DHX57: variants seen among roughly 807,000 people sequenced by gnomAD.
DHX57 encodes DExH-box helicase 57.
DHX57 carries 105 observed loss-of-function variants against 156.2 expected under a neutral mutation model. The observed-to-expected ratio is 0.67, with a 90% CI of 0.57 to 0.79. DHX57 has a LOEUF of 0.79. DHX57 is among the 30% of genes least tolerant of loss of function. DHX57 has a pLI of 0.00. For synonymous variants in DHX57, 704 were observed against 595.6 expected (o/e 1.18, Z -2.65); for missense variants, 1,847 against 1,661.9 (o/e 1.11, Z -1.94).
At chr2:38,823,432 T>C (rs1449650538) in intron 16 of DHX57, among the ~76,000 whole-genome samples, 163 bp from the exon 17 acceptor site, 1 of 152,236 alleles carries the variant, frequency 6.6e-6, no homozygotes, top group East Asian at 1.9e-4. Flanking sequence ...CACTTTCAGA[T>C]TCTGAAACTT....
chr2:38,842,346 G>A (rs1672052160), intron 12 of DHX57, among the ~76,000 whole-genome samples: 1 of 152,172 alleles, frequency 6.6e-6, no homozygotes, highest in South Asian at 2.1e-4. Flanking sequence ...TCCATGATAG[G>A]ATCCTGAATC....
intron 15 of DHX57, among the ~76,000 whole-genome samples, chr2:38,826,284 T>TA (rs1287004360): frequency 6.6e-6 from 1 of 152,182 alleles, no homozygotes; most frequent in African/African-American, 2.4e-5. Context: ...CAAGCACATA[T>TA]AAAATCACAT....
intron 12 of DHX57, among the ~76,000 whole-genome samples, chr2:38,840,915 C>T (rs910512406): frequency 3.9e-5 from 6 of 152,114 alleles, no homozygotes; most frequent in East Asian, 3.9e-4. Flanking sequence ...AATCCCTTTG[C>T]TCAAGCAATC....
chr2:38,807,503 G>GC (rs1670013077), intron 21 of DHX57, among the ~76,000 whole-genome samples: 1 of 149,150 alleles, frequency 6.7e-6, no homozygotes, highest in African/African-American at 2.5e-5. Context: ...GACTACAGGC[G>GC]CCCGCCGCCA....
In DHX57 at chr2:38,861,714, G is replaced by T. The variant is rs570347725; in HGVS notation, c.696C>A (p.Ile232=). 5.2e-5 allele frequency: 84 copies of T among 1,614,170 alleles called. No homozygotes were observed. The Middle Eastern group carries it at 1.5e-3, about 29-fold the overall frequency. Residue 232 remains isoleucine (I), a synonymous_variant, in exon 5 of 24, where the codon ATC becomes ATA. Transcript: ENST00000457308. ...AGCTTATCTGGTTGACTGCCTCAGA[G>T]ATCTTCATCCTCTCTCCAAATGTCT... ...FSETFGERMK[I]SEAVNQISLD...
chr2:38,809,705 C>T (rs1472986501), intron 21 of DHX57, among the ~76,000 whole-genome samples: 1 of 151,882 alleles, frequency 6.6e-6, no homozygotes, highest in Non-Finnish European at 1.5e-5. Context: ...CCTTGTGATC[C>T]ACCCTCCTCG....
At chr2:38,827,909 C>T (rs993085996) in intron 14 of DHX57, among the ~76,000 whole-genome samples, 43 of 152,056 alleles carry the variant, frequency 2.8e-4, no homozygotes, top group Admixed American at 1.6e-3. Context: ...CGGGCTGGAG[C>T]GCAATGGTGT....
At chr2:38,819,355 C>T (rs1006811249) in intron 17 of DHX57, among the ~76,000 whole-genome samples, 6 of 152,028 alleles carry the variant, frequency 3.9e-5, no homozygotes, top group Admixed American at 6.6e-5. Flanking sequence ...TTAAAATTTT[C>T]GGTAGAGACG....
At chr2:38,810,846 C>T (rs1670207548) in intron 21 of DHX57, 2 of 743,228 alleles carry the variant, frequency 2.7e-6, no homozygotes, top group Admixed American at 1.7e-5. Flanking sequence ...TACCTCAGGA[C>T]TTCATTTCAA....
At chr2:38,858,384 C>T (rs1343555164) in intron 6 of DHX57, among the ~76,000 whole-genome samples, 1 of 152,142 alleles carries the variant, frequency 6.6e-6, no homozygotes, top group African/African-American at 2.4e-5. Flanking sequence ...TATTGATATT[C>T]CTTTTACATA....
chr2:38,830,929 T>C (rs1477429336), intron 13 of DHX57, among the ~76,000 whole-genome samples: 1 of 151,994 alleles, frequency 6.6e-6, no homozygotes, highest in African/African-American at 2.4e-5. Flanking sequence ...ACACCATCTC[T>C]ACAAAAAATT....
chr2:38,874,800 A>G (rs1345938363), intron 1 of DHX57, among the ~76,000 whole-genome samples: 2 of 152,200 alleles, frequency 1.3e-5, no homozygotes, highest in African/African-American at 4.8e-5. Context: ...TCAAACGTCA[A>G]CTTTACTCAC....
At chr2:38,802,068 T>C (rs929073948) in intron 23 of DHX57, among the ~76,000 whole-genome samples, 1 of 152,196 alleles carries the variant, frequency 6.6e-6, no homozygotes, top group African/African-American at 2.4e-5. Context: ...TGCTTATCTG[T>C]ATTTTCTGAC....
Position 38,861,021 on chromosome 2 carries a change from A to G in DHX57, c.1389T>C (p.Phe463=), listed in dbSNP as rs757749349. 1 of 1,613,626 alleles carries G rather than the reference A, an allele frequency of 6.2e-7. No individual in the cohort carries two copies. The highest frequency in any genetic ancestry group is 1.1e-5 in the South Asian group (1 of 91,026). The part of the protein sequence containing the change: ...CHKTVIPNNS[F]VSNQIPEVEK... Reference sequence around the variant, plus strand: ...TACCTTCTGGAATTTGATTAGAAACAAAAGAATTATTTGGAATCACTGTTT... The same window carrying G: ...TACCTTCTGGAATTTGATTAGAAACGAAAGAATTATTTGGAATCACTGTTT... Residue 463 remains phenylalanine (F), a synonymous_variant, in exon 5 of 24, where the codon TTT becomes TTC. Transcript: ENST00000457308.
At chr2:38,830,929 T>A (rs1477429336) in intron 13 of DHX57, among the ~76,000 whole-genome samples, 1 of 151,994 alleles carries the variant, frequency 6.6e-6, no homozygotes. Flanking sequence ...ACACCATCTC[T>A]ACAAAAAATT....
chr2:38,814,041 G>T, intron 20 of DHX57, 146 bp from the exon 21 acceptor site: 1 of 752,190 alleles, frequency 1.3e-6, no homozygotes, highest in South Asian at 1.6e-5. Flanking sequence ...AGGTTCAAGC[G>T]ATTCTCCTGC....
At chr2:38,811,055 T>G in intron 21 of DHX57, 1 of 640,546 alleles carries the variant, frequency 1.6e-6, no homozygotes, top group South Asian at 1.4e-5. Context: ...AATCTTCATG[T>G]AGAGACCTGA....
At chr2:38,846,241 A>G (rs1034145225) in intron 11 of DHX57, among the ~76,000 whole-genome samples, 1 of 152,196 alleles carries the variant, frequency 6.6e-6, no homozygotes, top group African/African-American at 2.4e-5. Flanking sequence ...TTAATTCATT[A>G]ATTTTTTAAT....
Position 38,837,954 on chromosome 2 carries a change from G to GA in DHX57, c.2426-8dup. 6.4e-7 allele frequency: 1 copy of GA among 1,559,328 alleles called. No homozygotes were observed. Among genetic ancestry groups the GA allele is most frequent in the Non-Finnish European group, 8.8e-7 (1 of 1,130,770 alleles). ...ATGACTGACTTGCTAACCCCTGAAA[G>GA]AAAGAAAGGTAAAAATGAGAAGGAT... On this transcript the variant is annotated splice_polypyrimidine_tract_variant and splice_region_variant and intron_variant, in intron 12 of 23. Coordinates refer to ENST00000457308, the MANE Select transcript of DHX57 (RefSeq NM_198963.3).
Sources: allele counts gnomAD v4.1 joint callset (sites outside exome capture counted in the v4.1 genomes callset), GRCh38; gene constraint gnomAD v4.1.1; transcripts MANE v1.5; gene names NCBI Gene and HGNC (gene_info 2026-07-23, HGNC 2026-07-21).